The following PRPF3 variants were observed in gnomAD, a reference collection of about 807,000 sequenced individuals.
PRPF3 encodes the protein pre-mRNA processing factor 3, also known as U4/U6 small nuclear ribonucleoprotein Prp3.
A neutral mutation model predicts 89.2 loss-of-function variants in PRPF3; 3 were observed. The observed-to-expected ratio is 0.03, with a 90% confidence interval of 0.02 to 0.09. The LOEUF is 0.09. Ranked by LOEUF, PRPF3 falls within the 10% of genes least tolerant of loss-of-function variation. PRPF3 has a pLI of 1.00. For missense variants in PRPF3, 463 were observed against 828.8 expected, an observed-to-expected ratio of 0.56 and a Z score of 5.42; for synonymous variants, 270 against 289.1, an observed-to-expected ratio of 0.93 and a Z score of 0.67.
intron 1 of PRPF3, among the ~76,000 whole-genome samples, chr1:150,323,062 A>T (rs1433561258): frequency 6.8e-6 from 1 of 147,062 alleles, no homozygotes; most frequent in Admixed American, 6.9e-5. Context: ...TTTAATAGGG[A>T]TGCGGTTTCA....
intron 1 of PRPF3, 93 bp from the exon 2 acceptor site, chr1:150,324,802 C>T: frequency 9.8e-7 from 1 of 1,023,788 alleles, no homozygotes; most frequent in South Asian, 1.4e-5. Flanking sequence ...CCACCTTGGC[C>T]TCCCAAAGTG....
intron 4 of PRPF3, chr1:150,329,681 GA>G (rs2101959557): frequency 6.6e-6 from 1 of 152,216 alleles, no homozygotes; most frequent in East Asian, 1.9e-4. Context: ...TTTAATATTT[GA>G]GGGGGGTAAT....
In PRPF3 at chr1:150,341,809, T is replaced by A. The variant is rs587666122; in HGVS notation, c.1282+1332T>A. Among the ~76,000 whole-genome samples the A allele has an allele frequency of 1.4e-4, 21 of 151,504 alleles. No homozygotes were observed. The East Asian group carries it at 4.2e-3, about 30-fold the overall frequency. ...CTTTCACCCCCCTGGGTTGAAGCTATTCTCCGGCCTTAGCCTCCGGAGTAG... is the reference window on the plus strand; with the variant it reads ...CTTTCACCCCCCTGGGTTGAAGCTAATCTCCGGCCTTAGCCTCCGGAGTAG... On this transcript the variant is annotated intron_variant, in intron 9 of 15. Transcript: ENST00000324862.
At chr1:150,328,205 G>A (rs1298936700) in intron 3 of PRPF3, 115 bp from the exon 4 acceptor site, 1 of 1,284,354 alleles carries the variant, frequency 7.8e-7, no homozygotes. Flanking sequence ...CTATTTGCAA[G>A]GTTGTGTCAT....
intron 7 of PRPF3, 144 bp from the exon 8 acceptor site, chr1:150,338,016 G>T: frequency 1.3e-6 from 1 of 781,104 alleles, no homozygotes; most frequent in Non-Finnish European, 2.0e-6. Context: ...AGAGGTTGCT[G>T]TTAGCCAAGA....
intron 7 of PRPF3, among the ~76,000 whole-genome samples, chr1:150,336,301 C>T (rs782039897): frequency 5.5e-4 from 84 of 152,078 alleles, no homozygotes; most frequent in Non-Finnish European, 7.2e-4. Flanking sequence ...CTCATGCCAC[C>T]GATGATCTGA....
intron 3 of PRPF3, among the ~76,000 whole-genome samples, chr1:150,326,261 G>A (rs1177680929): frequency 6.6e-6 from 1 of 152,066 alleles, no homozygotes; most frequent in Non-Finnish European, 1.5e-5. Flanking sequence ...TGGTACCTGA[G>A]CTGTACACCT....
At chr1:150,326,263 T>C (rs1005926999) in intron 3 of PRPF3, among the ~76,000 whole-genome samples, 93 of 152,332 alleles carry the variant, frequency 6.1e-4, no homozygotes, top group African/African-American at 2.2e-3. Context: ...GTACCTGAGC[T>C]GTACACCTCA....
intron 14 of PRPF3, among the ~76,000 whole-genome samples, chr1:150,348,094 G>C (rs2647373): frequency 0.3 from 45,041 of 151,788 alleles, 8,093 homozygotes; most frequent in Non-Finnish European, 0.4. Context: ...TTTAAAATCT[G>C]CAGAGAGGCC....
intron 1 of PRPF3, among the ~76,000 whole-genome samples, chr1:150,322,008 G>T (rs1308849733): frequency 1.3e-5 from 2 of 152,136 alleles, no homozygotes; most frequent in South Asian, 4.1e-4. Context: ...ATTGTACCTC[G>T]CTTTCCTTCC....
chr1:150,346,555 C>T (rs587655167), intron 14 of PRPF3, 64 bp downstream of exon 14: 30 of 1,465,674 alleles, frequency 2.0e-5, no homozygotes, highest in Middle Eastern at 1.8e-4. Context: ...TGCATCTGTC[C>T]GTTCATCTTA....
intron 3 of PRPF3, 28 bp from the exon 4 acceptor site, chr1:150,328,292 G>C: frequency 6.2e-7 from 1 of 1,613,376 alleles, no homozygotes; most frequent in Non-Finnish European, 8.5e-7. Context: ...GAGGGATACA[G>C]CTTTTCTTTC....
intron 12 of PRPF3, chr1:150,345,544 T>TTTCA (rs1413852501): frequency 5.4e-6 from 1 of 184,726 alleles, no homozygotes; most frequent in Non-Finnish European, 1.1e-5. Flanking sequence ...AGAGATGGGG[T>TTTCA]TTCACCATGT....
At chr1:150,342,856 G>GTCTCAC (rs1307033715) in intron 9 of PRPF3, among the ~76,000 whole-genome samples, 1 of 152,030 alleles carries the variant, frequency 6.6e-6, no homozygotes, top group East Asian at 1.9e-4. Context: ...TTATAATAGA[G>GTCTCAC]TTGGGTCTCA....
At chr1:150,343,585 A>C (rs1658002266) in intron 10 of PRPF3, 133 bp downstream of exon 10, 7 of 1,232,126 alleles carry the variant, frequency 5.7e-6, no homozygotes, top group Non-Finnish European at 8.1e-6. Context: ...TTTTTCTCCA[A>C]GTTTTCTACC....
chr1:150,337,762 T>A (rs1326013216), intron 7 of PRPF3, among the ~76,000 whole-genome samples: 3 of 110,472 alleles, frequency 2.7e-5, no homozygotes, highest in African/African-American at 3.5e-5. Context: ...AGACTCCGTC[T>A]ACAAAAAAAA....
In PRPF3 at chr1:150,343,406, A is replaced by G; in HGVS notation, c.1380A>G (p.Leu460=). ...CAAGGAGGGAAGCACAGAAGGAACT[A>G]CAAGAAAAAGTCAGGCTGGGCCTGA... ...RQTRREAQKE[L]QEKVRLGLMP... is the part of the protein sequence containing the mutation. The change falls in exon 10 of 16, where the codon CTA becomes CTG. Residue 460 remains leucine, a synonymous_variant. Coordinates refer to ENST00000324862, the MANE Select transcript of PRPF3 (RefSeq NM_004698.4). 1 of 1,605,654 alleles carries G rather than the reference A, an allele frequency of 6.2e-7. No individual in the cohort carries two copies. The highest frequency in any genetic ancestry group is 1.1e-5 in the South Asian group (1 of 90,938).
Position 150,333,187 on chromosome 1 carries a change from G to A in PRPF3, c.716G>A (p.Gly239Asp), listed in dbSNP as rs1560095949. The change falls in exon 6 of 16, where the codon GGC becomes GAC. Residue 239 changes from glycine (G) to aspartate (D), a missense_variant. Gly to Asp is a moderately conservative substitution (Grantham distance 94). This residue lies in a region of PRPF3 where 261 missense variants were observed against 475.8 expected (regional missense o/e 0.55). Transcript: ENST00000324862. ...MVGLANLHAM[G>D]IAPPKVELKD... ...GGCCTGGCTAATCTCCATGCCATGG[G>A]CATTGCTCCCCCGTGAGTGTCTATT... is the stretch of plus-strand genomic sequence containing the variant. 6.2e-7 allele frequency: 1 copy of A among 1,613,990 alleles called. No individual in the cohort carries two copies. The highest frequency in any genetic ancestry group is 8.5e-7 in the Non-Finnish European group (1 of 1,180,002).
chr1:150,347,425 T>C (rs7522820), intron 14 of PRPF3, among the ~76,000 whole-genome samples: 32,357 of 151,856 alleles, frequency 0.21, 3,902 homozygotes, highest in African/African-American at 0.29. Context: ...ATTGAAAATA[T>C]TGTTAAGTCA....
Sources: allele counts gnomAD v4.1 joint callset (sites outside exome capture counted in the v4.1 genomes callset), GRCh38; gene constraint gnomAD v4.1.1; regional missense constraint gnomAD v4.1.1; transcripts MANE v1.5; gene names NCBI Gene and HGNC (gene_info 2026-07-23, HGNC 2026-07-21).